Variants in KLHDC8A observed in about 807,000 individuals in gnomAD.
KLHDC8A encodes the protein kelch domain containing 8A.
A neutral mutation model predicts 33.1 loss-of-function variants in KLHDC8A; 21 were observed. The observed-to-expected ratio is 0.64, with a 90% CI of 0.45 to 0.91. KLHDC8A has a LOEUF of 0.91. KLHDC8A is among the 40% of genes least tolerant of loss of function. KLHDC8A has a pLI of 0.00. For synonymous variants in KLHDC8A, 173 were observed against 193.5 expected (o/e 0.89, Z 0.88); for missense variants, 435 against 483.3 (o/e 0.90, Z 0.94).
chr1:205,345,685 G>A (rs1348321083), intron 1 of KLHDC8A, among the ~76,000 whole-genome samples: 4 of 152,212 alleles, frequency 2.6e-5, no homozygotes, highest in Non-Finnish European at 4.4e-5. Flanking sequence ...AGATTGCAGT[G>A]AGCTGAGATT....
At position 205,356,694 on chromosome 1, in the gene KLHDC8A, A is replaced by G; in HGVS notation, c.-351T>C. On this transcript the variant is annotated 5_prime_UTR_variant, in exon 1 of 6. Coordinates refer to ENST00000367155, the MANE Select transcript of KLHDC8A (RefSeq NM_018203.3). ...CCCCAGGGTCCCCAGGGCTTCCTCCACAATTGATGAGTCCACTGCTGCTGC... is the reference window on the plus strand; with the variant it reads ...CCCCAGGGTCCCCAGGGCTTCCTCCGCAATTGATGAGTCCACTGCTGCTGC... 1 of 429,216 alleles carries G rather than the reference A, an allele frequency of 2.3e-6. No homozygotes were observed. 26.6% of individuals were successfully genotyped at this position (429,216 alleles called of 1,614,324 possible). A position where few individuals can be genotyped will look rare whatever the true frequency, so the allele number is the denominator to read the frequency against.
At chr1:205,355,082 A>G (rs1001259695) in intron 1 of KLHDC8A, among the ~76,000 whole-genome samples, 2 of 152,130 alleles carry the variant, frequency 1.3e-5, no homozygotes, top group Non-Finnish European at 2.9e-5. Flanking sequence ...TCAGGCTCTG[A>G]GCCTGGCTCT....
intron 1 of KLHDC8A, among the ~76,000 whole-genome samples, chr1:205,348,178 G>C (rs1202527226): frequency 1.3e-5 from 2 of 152,168 alleles, no homozygotes; most frequent in Admixed American, 6.5e-5. Context: ...GGGGAAGTTG[G>C]GGGTGTTGTG....
chr1:205,356,447 A>G (rs1574919271), intron 1 of KLHDC8A, 86 bp downstream of exon 1: 1 of 441,770 alleles, frequency 2.3e-6, no homozygotes, highest in African/African-American at 2.0e-5. Context: ...CCCTCCTCTC[A>G]CAGACACCAC....
chr1:205,341,737 G>A (rs901134198), intron 2 of KLHDC8A, among the ~76,000 whole-genome samples: 1 of 151,692 alleles, frequency 6.6e-6, no homozygotes, highest in African/African-American at 2.4e-5. Flanking sequence ...TGCAAGCTCT[G>A]CCTCCCAGGT....
chr1:205,356,077 G>T (rs1443945166), intron 1 of KLHDC8A, among the ~76,000 whole-genome samples: 1 of 151,798 alleles, frequency 6.6e-6, no homozygotes, highest in African/African-American at 2.4e-5. Flanking sequence ...CTCAGCCCTT[G>T]TCCCCCTCCC....
At chr1:205,340,029 A>G (rs1662749440) in intron 2 of KLHDC8A, among the ~76,000 whole-genome samples, 2 of 151,642 alleles carry the variant, frequency 1.3e-5, no homozygotes, top group Non-Finnish European at 2.9e-5. Flanking sequence ...TATTATTATT[A>G]TTTTTTTAGA....
chr1:205,354,461 T>G (rs535345219), intron 1 of KLHDC8A, among the ~76,000 whole-genome samples: 9 of 152,102 alleles, frequency 5.9e-5, no homozygotes, highest in Non-Finnish European at 1.0e-4. Context: ...GCGCTTACAA[T>G]CCCTCACCAG....
chr1:205,339,551 C>G lies in KLHDC8A; in HGVS notation c.541+93G>C. On this transcript the variant is annotated intron_variant, in intron 3 of 5. Transcript: ENST00000367155. The surrounding 1 kb of genome is among the most constrained non-coding windows in gnomAD (Gnocchi z 5.1). ...TGGGCAGTGTGATTATCCCCAGTGC[C>G]GAGGAGATGCTCAGCACACAGGCAC... 1 of 1,471,668 alleles carries G rather than the reference C, an allele frequency of 6.8e-7. No individual in the cohort carries two copies. Among genetic ancestry groups the G allele is most frequent in the Non-Finnish European group, 9.4e-7 (1 of 1,065,856 alleles). 91.2% of individuals were successfully genotyped at this position (1,471,668 alleles called of 1,614,324 possible). A position where few individuals can be genotyped will look rare whatever the true frequency, so the allele number is the denominator to read the frequency against.
Position 205,345,433 on chromosome 1 carries a change from C to T in KLHDC8A, c.-189-1640G>A, listed in dbSNP as rs1266425278. Among the ~76,000 whole-genome samples, 10 of 152,208 alleles carry T rather than the reference C, an allele frequency of 6.6e-5. No homozygotes were observed. In the East Asian group the frequency reaches 1.3e-3, roughly 21 times the overall value. ...TCACAACCAGGGTTTTGAAATTGAT[C>T]GGTAAAGATACAATATAATTCTGGC... On this transcript the variant is annotated intron_variant, in intron 1 of 5. Transcript: ENST00000367155.
rs566684977 is a variant in KLHDC8A at position 205,337,320 on chromosome 1, G to T, written c.*79C>A. 5 of 1,248,920 alleles carry T rather than the reference G, an allele frequency of 4.0e-6. No individual in the cohort carries two copies. Among genetic ancestry groups the T allele is most frequent in the African/African-American group, 2.9e-5 (2 of 67,808 alleles). The allele number at this position is 1,248,920 out of a possible 1,614,324, so 77.4% of individuals were successfully genotyped here. ...AGCTGACATTCTTGGAAGTAGCCCC[G>T]ACTGCTTGGACAAGATCATTCCTCA... On this transcript the variant is annotated 3_prime_UTR_variant, in exon 6 of 6. Coordinates refer to ENST00000367155, the MANE Select transcript of KLHDC8A (RefSeq NM_018203.3).
chr1:205,336,178 T>C lies in KLHDC8A; in HGVS notation c.*1221A>G, dbSNP rs979645942. 2.6e-5 allele frequency: 4 copies of C among 152,206 alleles called. No homozygotes were observed. The highest frequency in any genetic ancestry group is 2.1e-4 in the South Asian group (1 of 4,832). The allele number at this position is 152,206 out of a possible 1,614,324, so 9.4% of individuals were successfully genotyped here. A position where few individuals can be genotyped will look rare whatever the true frequency, so the allele number is the denominator to read the frequency against. On this transcript the variant is annotated 3_prime_UTR_variant, in exon 6 of 6. Transcript: ENST00000367155. ...CTAAGAGGAGGCACATTCTTCAAGT[T>C]TTCTAAAAGAACCCTTTCTACTTTG...
At chr1:205,338,443 C>A in intron 5 of KLHDC8A, 52 bp downstream of exon 5, 4 of 1,379,648 alleles carry the variant, frequency 2.9e-6, no homozygotes, top group South Asian at 1.2e-5. Flanking sequence ...TGCCAAGGAT[C>A]CACTGAGCAC....
intron 5 of KLHDC8A, 34 bp from the exon 6 acceptor site, chr1:205,337,626 G>A (rs370338909): frequency 3.3e-6 from 5 of 1,537,948 alleles, no homozygotes; most frequent in African/African-American, 1.4e-5. Flanking sequence ...CCTTACAAAG[G>A]AGTCCAACCA....
chr1:205,340,903 C>T (rs1365336275), intron 2 of KLHDC8A, among the ~76,000 whole-genome samples: 1 of 152,240 alleles, frequency 6.6e-6, no homozygotes, highest in Admixed American at 6.5e-5. Context: ...CACTGGACTG[C>T]TGCTGGTTCT....
intron 1 of KLHDC8A, among the ~76,000 whole-genome samples, chr1:205,352,919 C>G (rs940236373): frequency 1.3e-5 from 2 of 152,222 alleles, no homozygotes; most frequent in African/African-American, 2.4e-5. Context: ...AGGCAAGAAA[C>G]AGAGGGACAA....
At chr1:205,349,740 T>G (rs1171528504) in intron 1 of KLHDC8A, among the ~76,000 whole-genome samples, 1 of 152,112 alleles carries the variant, frequency 6.6e-6, no homozygotes, top group Non-Finnish European at 1.5e-5. Context: ...AACACCAGCA[T>G]GAGGTGAGGT....
Position 205,339,916 on chromosome 1 carries a change from T to G in KLHDC8A, c.377-108A>C. 1.1e-6 allele frequency: 1 copy of G among 942,412 alleles called. No individual in the cohort carries two copies. Among genetic ancestry groups the G allele is most frequent in the Non-Finnish European group, 1.6e-6 (1 of 624,790 alleles). 58.4% of individuals were successfully genotyped at this position (942,412 alleles called of 1,614,324 possible). ...GCCAGGCCAAGCTTTCAACCACTGC[T>G]CAGCCAGAGTGAGTCATATCTGTAT... is the stretch of plus-strand genomic sequence containing the variant. On this transcript the variant is annotated intron_variant, in intron 2 of 5. Coordinates refer to ENST00000367155, the MANE Select transcript of KLHDC8A (RefSeq NM_018203.3). This position sits in a 1 kb window ranked among gnomAD's most constrained non-coding sequence, Gnocchi z 5.1.
rs751007217 is a variant in KLHDC8A, at chr1:205,338,488, T to A, written c.859+7A>T. On this transcript the variant is annotated splice_region_variant and intron_variant, in intron 5 of 5. Transcript: ENST00000367155. ...AATAAATTCCAGCGTGAAAGCGCCA[T>A]CCTTACCAAGTCCCCCAGCCACTAT... 2.5e-6 allele frequency: 4 copies of A among 1,607,796 alleles called. No homozygotes were observed. In the South Asian group the frequency reaches 4.4e-5, roughly 18 times the overall value.
Sources: allele counts gnomAD v4.1 joint callset (sites outside exome capture counted in the v4.1 genomes callset), GRCh38; gene constraint gnomAD v4.1.1; non-coding constraint Gnocchi (gnomAD v3.1); transcripts MANE v1.5; gene names NCBI Gene and HGNC (gene_info 2026-07-23, HGNC 2026-07-21).